The following PAX3 variants were observed in gnomAD, a reference collection of about 807,000 sequenced individuals.
The protein encoded by PAX3 is paired box 3.
A neutral mutation model predicts 51.6 loss-of-function variants in PAX3; 14 were observed. The observed-to-expected ratio is 0.27, with a 90% CI of 0.18 to 0.42. The LOEUF is 0.42. PAX3 is among the 10% of genes least tolerant of loss of function. The pLI is 1.00. For synonymous variants in PAX3, 280 were observed against 253.4 expected (o/e 1.11, Z -1.00); for missense variants, 540 against 642.8 (o/e 0.84, Z 1.73).
chr2:222,215,490 G>C lies in PAX3; in HGVS notation c.1173+4650C>G, dbSNP rs117349138. On this transcript the variant is annotated intron_variant, in intron 7 of 8. Transcript: ENST00000392070. ...GAACTGTGGAGTTTGTAGAAGTCGG[G>C]TGGGGGGTGAGGCATGAAATGATAA... Among the ~76,000 whole-genome samples, 43 of 152,064 alleles carry C rather than the reference G, an allele frequency of 2.8e-4. No homozygotes were observed. In the East Asian group the frequency reaches 8.1e-3, roughly 29 times the overall value.
At chr2:222,216,286 G>A (rs1691955670) in intron 7 of PAX3, among the ~76,000 whole-genome samples, 1 of 152,190 alleles carries the variant, frequency 6.6e-6, no homozygotes, top group Non-Finnish European at 1.5e-5. Flanking sequence ...TCAATTAAAT[G>A]ATTGTGTTGC....
At chr2:222,255,865 C>T (rs949165330) in intron 4 of PAX3, among the ~76,000 whole-genome samples, 2 of 150,062 alleles carry the variant, frequency 1.3e-5, no homozygotes, top group African/African-American at 4.9e-5. Flanking sequence ...ATTCTCCTGC[C>T]TCAGCCTCCC....
chr2:222,199,964 AC>A lies in PAX3; in HGVS notation c.*1443del, dbSNP rs781325955. On this transcript the variant is annotated 3_prime_UTR_variant, in exon 9 of 9. Transcript: ENST00000392070. ...TTTACATGAAAGACATTTTTACAAC[AC>A]ATTGTTGTTGGTTGAGGCTGCAACA... The A allele has an allele frequency of 3.1e-5, 6 of 192,216 alleles. No individual in the cohort carries two copies. Among genetic ancestry groups the A allele is most frequent in the Non-Finnish European group, 5.5e-5 (5 of 91,670 alleles). 11.9% of individuals were successfully genotyped at this position (192,216 alleles called of 1,614,324 possible).
At chr2:222,240,459 T>C (rs1035869940) in intron 4 of PAX3, among the ~76,000 whole-genome samples, 5 of 152,322 alleles carry the variant, frequency 3.3e-5, no homozygotes, top group South Asian at 2.1e-4. Context: ...CACCTGACCA[T>C]TGGTCATCGA....
At chr2:222,298,254 T>C (rs1695411231) in intron 1 of PAX3, 2 of 500,570 alleles carry the variant, frequency 4.0e-6, no homozygotes, top group Non-Finnish European at 7.2e-6. Flanking sequence ...CACCTCCTTC[T>C]CCACCGCGGC....
chr2:222,202,514 A>AG (rs1160313329), intron 7 of PAX3, among the ~76,000 whole-genome samples: 1 of 152,140 alleles, frequency 6.6e-6, no homozygotes, highest in Non-Finnish European at 1.5e-5. Flanking sequence ...ATTTCAAAGA[A>AG]GGGGGAAAAA....
chr2:222,278,498 T>C (rs1268409702), intron 4 of PAX3, among the ~76,000 whole-genome samples: 1 of 152,242 alleles, frequency 6.6e-6, no homozygotes, highest in East Asian at 1.9e-4. Context: ...TCTATGGCTC[T>C]TGGCCAAAGA....
intron 4 of PAX3, among the ~76,000 whole-genome samples, chr2:222,275,791 C>T (rs1355164699): frequency 1.3e-5 from 2 of 152,208 alleles, no homozygotes; most frequent in African/African-American, 2.4e-5. Context: ...ATTTGAAATG[C>T]TCTCCTGTTT....
At chr2:222,287,298 A>C (rs1694867443) in intron 4 of PAX3, 1 of 152,254 alleles carries the variant, frequency 6.6e-6, no homozygotes, top group African/African-American at 2.4e-5. Context: ...AGAATTTATA[A>C]CACCTTTTAT....
chr2:222,292,591 C>T (rs1464258614), intron 4 of PAX3, among the ~76,000 whole-genome samples: 2 of 152,254 alleles, frequency 1.3e-5, no homozygotes, highest in African/African-American at 4.8e-5. Flanking sequence ...AGTCCCCAGC[C>T]TCTGTGACTG....
intron 4 of PAX3, among the ~76,000 whole-genome samples, chr2:222,276,459 C>T (rs1694423733): frequency 6.6e-6 from 1 of 152,182 alleles, no homozygotes; most frequent in South Asian, 2.1e-4. Context: ...CCTCTCCATC[C>T]TTGCCCTGAT....
rs11695342 is a variant in PAX3 at position 222,209,297 on chromosome 2, C to G, written c.1174-7107G>C. On this transcript the variant is annotated intron_variant, in intron 7 of 8. Coordinates refer to ENST00000392070, the MANE Select transcript of PAX3 (RefSeq NM_181458.4). Reference sequence around the variant, plus strand: ...GCATAAGATTGCATCTATGAAATGTCTGAAGACTACAGAAAAGACGCTTCC... The same window carrying G: ...GCATAAGATTGCATCTATGAAATGTGTGAAGACTACAGAAAAGACGCTTCC... 3.3e-5 allele frequency among the ~76,000 whole-genome samples: 5 copies of G among 152,254 alleles called. No homozygotes were observed. The East Asian group carries it at 9.7e-4, about 29-fold the overall frequency.
Position 222,220,354 on chromosome 2 carries a change from G to A in PAX3, c.959C>T (p.Ala320Val), listed in dbSNP as rs2106072465. The A allele has an allele frequency of 1.2e-6, 2 of 1,613,704 alleles. No homozygotes were observed. The highest frequency in any genetic ancestry group is 1.7e-6 in the Non-Finnish European group (2 of 1,179,670). Reference protein sequence around the residue: ...TSYQPTSIPQAVSDPSSTVHR... With the variant: ...TSYQPTSIPQVVSDPSSTVHR... The stretch of plus-strand genomic sequence containing the variant: ...AACGGTGCTGCTGGGATCTGACACA[G>A]CTGAAATGAAAAAGATTGTCAACCA... Residue 320 changes from alanine to valine, a missense_variant and splice_region_variant, in exon 7 of 9, where the codon GCT becomes GTT. By Grantham distance (64) the Ala-to-Val change is moderately conservative. This residue lies in a region of PAX3 where 427 missense variants were observed against 483.6 expected (regional missense o/e 0.88). Transcript: ENST00000392070.
chr2:222,251,251 A>C (rs1273346335), intron 4 of PAX3, among the ~76,000 whole-genome samples: 2 of 147,456 alleles, frequency 1.4e-5, no homozygotes, highest in Admixed American at 6.8e-5. Context: ...CTATCCCTCC[A>C]CCCTCCCCCA....
chr2:222,293,293 C>T (rs1052756732), intron 4 of PAX3, among the ~76,000 whole-genome samples: 16 of 152,306 alleles, frequency 1.1e-4, no homozygotes, highest in Admixed American at 2.6e-4. Flanking sequence ...TCCCCCCTGC[C>T]GTCTCCTGCT....
intron 4 of PAX3, among the ~76,000 whole-genome samples, chr2:222,239,651 G>C (rs1398111443): frequency 6.6e-6 from 1 of 151,982 alleles, no homozygotes; most frequent in Non-Finnish European, 1.5e-5. Flanking sequence ...CCGAGTAATT[G>C]TTATTTTGAT....
chr2:222,220,213 G>A lies in PAX3; in HGVS notation c.1100C>T (p.Thr367Ile). ...CCCCGACGGAGGCACAAAGCTGTCT[G>A]TATAGCTGGAAAATCCATGCCTGGT... ...PSTRHGFSSY[T>I]DSFVPPSGPS... The change falls in exon 7 of 9, where the codon ACA becomes ATA. Residue 367 changes from threonine (T) to isoleucine (I), a missense_variant. Thr to Ile is a moderately conservative substitution (Grantham distance 89, BLOSUM62 -1). This residue lies in a region of PAX3 where 427 missense variants were observed against 483.6 expected (regional missense o/e 0.88). Coordinates refer to ENST00000392070, the MANE Select transcript of PAX3 (RefSeq NM_181458.4). The A allele has an allele frequency of 6.2e-7, 1 of 1,613,980 alleles. No individual in the cohort carries two copies. The highest frequency in any genetic ancestry group is 8.5e-7 in the Non-Finnish European group (1 of 1,179,956).
Position 222,294,260 on chromosome 2 carries a change from C to T in PAX3, c.493G>A (p.Gly165Ser). Residue 165 changes from glycine to serine, a missense_variant, in exon 4 of 9, where the codon GGT becomes AGT. Coordinates refer to ENST00000392070, the MANE Select transcript of PAX3 (RefSeq NM_181458.4). Reference sequence around the variant, plus strand: ...TCCAAGTCGGCCTCCTCCTCTTCACCTTTCCCGAATTTACTTCTCAGGATG... The same window carrying T: ...TCCAAGTCGGCCTCCTCCTCTTCACTTTTCCCGAATTTACTTCTCAGGATG... ...SRILRSKFGK[G>S]EEEEADLERK... 6.2e-7 allele frequency: 1 copy of T among 1,614,250 alleles called. No individual in the cohort carries two copies. Among genetic ancestry groups the T allele is most frequent in the Non-Finnish European group, 8.5e-7 (1 of 1,180,048 alleles).
intron 4 of PAX3, among the ~76,000 whole-genome samples, chr2:222,272,309 T>G (rs370824785): frequency 2.0e-5 from 3 of 152,340 alleles, no homozygotes; most frequent in East Asian, 3.9e-4. Context: ...ACCAGCATGT[T>G]TCCCAAGCAT....
Sources: allele counts gnomAD v4.1 joint callset (sites outside exome capture counted in the v4.1 genomes callset), GRCh38; gene constraint gnomAD v4.1.1; regional missense constraint gnomAD v4.1.1; transcripts MANE v1.5; gene names NCBI Gene and HGNC (gene_info 2026-07-23, HGNC 2026-07-21).